Variants in METTL25 observed in about 807,000 individuals in gnomAD.
METTL25 encodes probable methyltransferase-like protein 25.
METTL25 carries 64 observed loss-of-function variants against 71.6 expected under a neutral mutation model. The observed-to-expected ratio is 0.89, with a 90% CI of 0.73 to 1.10. The LOEUF (loss-of-function observed/expected upper bound fraction) is 1.10, where lower values mean the gene tolerates loss of function less well. METTL25 is among the 50% of genes least tolerant of loss of function. The pLI, the probability that METTL25 is intolerant of heterozygous loss-of-function variation, is 0.00. For synonymous variants in METTL25, 287 were observed against 250.3 expected, an observed-to-expected ratio of 1.15 and a Z score of -1.38; for missense variants, 807 against 707.0, an observed-to-expected ratio of 1.14 and a Z score of -1.60.
Position 82,430,963 on chromosome 12 carries a change from T to G in METTL25, c.1350T>G (p.Arg450=), listed in dbSNP as rs146381244. 7.4e-4 allele frequency: 1,186 copies of G among 1,599,044 alleles called. 9 individuals are homozygous for G. The African/African-American group carries it at 0.013, about 18-fold the overall frequency. ...AGGAAGAGAGATGGTGCTGTGGTCGTAATGCCAGAATGTCAGCATGTTTGG... is the reference window on the plus strand; with the variant it reads ...AGGAAGAGAGATGGTGCTGTGGTCGGAATGCCAGAATGTCAGCATGTTTGG... The part of the protein sequence containing the change: ...YLKEERWCCG[R]NARMSACLAL... Residue 450 remains arginine, a synonymous_variant, in exon 6 of 12, where the codon CGT becomes CGG. Transcript: ENST00000248306.
chr12:82,389,431 T>A (rs1312544723), intron 2 of METTL25, among the ~76,000 whole-genome samples: 1 of 152,078 alleles, frequency 6.6e-6, no homozygotes, highest in Non-Finnish European at 1.5e-5. Context: ...TTGTATTGAT[T>A]TATAGGAGTT....
intron 5 of METTL25, among the ~76,000 whole-genome samples, chr12:82,430,404 C>T (rs757875819): frequency 6.6e-6 from 1 of 151,442 alleles, no homozygotes; most frequent in Non-Finnish European, 1.5e-5. Flanking sequence ...AGAGCCTGTA[C>T]AGCTGTTCTT....
intron 8 of METTL25, among the ~76,000 whole-genome samples, chr12:82,456,176 G>A (rs1187822989): frequency 6.6e-6 from 1 of 151,800 alleles, no homozygotes; most frequent in Non-Finnish European, 1.5e-5. Context: ...GTTGTGAGAT[G>A]TGGTACTCTA....
chr12:82,365,279 A>G (rs1278795714), intron 1 of METTL25, among the ~76,000 whole-genome samples: 6 of 152,206 alleles, frequency 3.9e-5, no homozygotes, highest in Non-Finnish European at 7.3e-5. Flanking sequence ...AGAGACACAA[A>G]TCAATAACTG....
rs181789607 is a variant in METTL25 at position 82,449,864 on chromosome 12, A to G, written c.1479-6863A>G. On this transcript the variant is annotated intron_variant, in intron 8 of 11. Transcript: ENST00000248306. ...TGTTGGTTCTTTCCTTTATAGCAAA[A>G]TTCCTTGAAAGTGCTGCCAATTTCT... 5.2e-4 allele frequency among the ~76,000 whole-genome samples: 79 copies of G among 152,152 alleles called. 1 individual carries two copies. The highest frequency in any genetic ancestry group is 1.7e-3 in the African/African-American group (72 of 41,506).
chr12:82,380,429 GTGTA>G (rs766075976), intron 1 of METTL25, among the ~76,000 whole-genome samples: 268 of 21,726 alleles, frequency 0.012, no homozygotes, highest in Middle Eastern at 0.062. Context: ...ATATATGTAT[GTGTA>G]TGTATATATA....
intron 1 of METTL25, among the ~76,000 whole-genome samples, chr12:82,365,546 G>A (rs1882465026): frequency 1.3e-5 from 2 of 152,170 alleles, no homozygotes; most frequent in South Asian, 4.1e-4. Flanking sequence ...GCTCCTTCAA[G>A]GAAACCAGAC....
intron 1 of METTL25, among the ~76,000 whole-genome samples, chr12:82,372,311 C>T (rs527403207): frequency 6.6e-6 from 1 of 152,206 alleles, no homozygotes; most frequent in East Asian, 1.9e-4. Context: ...AACGAATAGC[C>T]TGGGGATTTT....
intron 1 of METTL25, among the ~76,000 whole-genome samples, chr12:82,375,904 A>G (rs1565806953): frequency 6.6e-6 from 1 of 152,220 alleles, no homozygotes; most frequent in African/African-American, 2.4e-5. Flanking sequence ...ATCAGTATGA[A>G]ATTGTAGTTG....
chr12:82,373,765 G>C (rs1883521022), intron 1 of METTL25, among the ~76,000 whole-genome samples: 2 of 152,198 alleles, frequency 1.3e-5, no homozygotes, highest in Admixed American at 1.3e-4. Flanking sequence ...GCAGAAGCTG[G>C]TTCCAGGCAA....
intron 1 of METTL25, among the ~76,000 whole-genome samples, chr12:82,382,047 A>G (rs1032008270): frequency 6.6e-6 from 1 of 152,188 alleles, no homozygotes; most frequent in African/African-American, 2.4e-5. Flanking sequence ...GGTAATGTAA[A>G]GGCTTTTAGC....
chr12:82,431,672 C>T (rs1592714017), intron 6 of METTL25, among the ~76,000 whole-genome samples: 1 of 151,408 alleles, frequency 6.6e-6, no homozygotes, highest in South Asian at 2.1e-4. Flanking sequence ...AATTGCTTAC[C>T]TATTATAATC....
At position 82,434,741 on chromosome 12, in the gene METTL25, A is replaced by G; in HGVS notation, c.1404+17A>G. ...GGCCAAGGGGTAAGTAAGAGTGTTAACTGATGAACACGACAGTTTTTCTCT... is the reference window on the plus strand; with the variant it reads ...GGCCAAGGGGTAAGTAAGAGTGTTAGCTGATGAACACGACAGTTTTTCTCT... On this transcript the variant is annotated intron_variant, in intron 7 of 11. Transcript: ENST00000248306. 2 of 1,606,846 alleles carry G rather than the reference A, an allele frequency of 1.2e-6. No homozygotes were observed. Among genetic ancestry groups the G allele is most frequent in the Non-Finnish European group, 1.7e-6 (2 of 1,174,642 alleles).
chr12:82,400,144 A>C (rs1385732191), intron 4 of METTL25, among the ~76,000 whole-genome samples: 1 of 151,918 alleles, frequency 6.6e-6, no homozygotes, highest in Non-Finnish European at 1.5e-5. Flanking sequence ...TAACATAGCG[A>C]AACCCCATCT....
intron 2 of METTL25, 148 bp downstream of exon 2, chr12:82,387,115 G>A (rs1024592771): frequency 1.2e-5 from 8 of 654,558 alleles, no homozygotes; most frequent in Non-Finnish European, 1.9e-5. Context: ...GTTTAGAAGT[G>A]TAGGTTTTCC....
intron 1 of METTL25, among the ~76,000 whole-genome samples, chr12:82,362,773 T>C (rs764173015): frequency 6.6e-6 from 1 of 152,134 alleles, no homozygotes; most frequent in East Asian, 1.9e-4. Context: ...AGGAATACAA[T>C]ATAAGAGGCT....
chr12:82,358,893 C>A (rs1881368361), intron 1 of METTL25, 69 bp downstream of exon 1: 1 of 1,534,714 alleles, frequency 6.5e-7, no homozygotes, highest in Non-Finnish European at 8.8e-7. Flanking sequence ...AAGCGAGCCC[C>A]CTGGTGGAAG....
chr12:82,448,418 A>C lies in METTL25; in HGVS notation c.1479-8309A>C, dbSNP rs1890902928. On this transcript the variant is annotated intron_variant, in intron 8 of 11. Coordinates refer to ENST00000248306, the MANE Select transcript of METTL25 (RefSeq NM_032230.3). ...GGAAATTTATTTACAATTAGTACTT[A>C]TCTATAATAGAAACTTTCTAAGGGG... is the stretch of plus-strand genomic sequence containing the variant. Among the ~76,000 whole-genome samples the C allele has an allele frequency of 3.9e-5, 6 of 152,020 alleles. No homozygotes were observed. In the South Asian group the frequency reaches 1.0e-3, roughly 26 times the overall value.
chr12:82,460,950 T>C (rs953190646), intron 9 of METTL25, among the ~76,000 whole-genome samples: 12 of 152,198 alleles, frequency 7.9e-5, no homozygotes, highest in Non-Finnish European at 1.6e-4. Flanking sequence ...GAGACCATCC[T>C]GGCTAACACA....
Sources: gnomAD v4.1 joint callset for allele counts (sites outside exome capture counted in the v4.1 genomes callset) on GRCh38, gnomAD v4.1.1 for gene constraint, MANE v1.5 for transcripts, NCBI Gene and HGNC (gene_info 2026-07-23, HGNC 2026-07-21) for gene names.